ZNF503: variants seen among roughly 807,000 people sequenced by gnomAD.
ZNF503 encodes the protein NocA-like zinc finger 2.
In ZNF503, 15 loss-of-function variants were observed where a neutral mutation model predicts 34.4. The ratio of observed to expected loss-of-function variants is 0.44; its 90% CI spans 0.29 to 0.67. The LOEUF is 0.67. ZNF503 is among the 30% of genes least tolerant of loss of function. The pLI is 0.13. For missense variants in ZNF503, 1,007 were observed against 926.8 expected, an observed-to-expected ratio of 1.09 and a Z score of -1.12; for synonymous variants, 580 against 456.8, an observed-to-expected ratio of 1.27 and a Z score of -3.44.
the ZNF503 span, among the ~76,000 whole-genome samples, chr10:75,290,961 A>G: frequency 1.3e-5 from 2 of 152,162 alleles, no homozygotes; most frequent in African/African-American, 2.4e-5. Context: ...AAGTTCTTAG[A>G]TTGTGATAAA....
chr10:75,308,517 T>C, the ZNF503 span, among the ~76,000 whole-genome samples: 2 of 152,204 alleles, frequency 1.3e-5, no homozygotes, highest in East Asian at 1.9e-4. Flanking sequence ...CTGCCAGAGA[T>C]AGTGATTTTT....
the ZNF503 span, among the ~76,000 whole-genome samples, chr10:75,299,719 G>T: frequency 6.6e-6 from 1 of 152,144 alleles, no homozygotes; most frequent in Non-Finnish European, 1.5e-5. Flanking sequence ...CTGGGCATCT[G>T]GGGGAGACAT....
At chr10:75,305,572 G>A in the ZNF503 span, among the ~76,000 whole-genome samples, 1 of 152,004 alleles carries the variant, frequency 6.6e-6, no homozygotes, top group Non-Finnish European at 1.5e-5. Context: ...GTTAAGTAAT[G>A]TTAAGTATTC....
At chr10:75,356,180 G>A in the ZNF503 span, among the ~76,000 whole-genome samples, 2 of 152,170 alleles carry the variant, frequency 1.3e-5, no homozygotes, top group Non-Finnish European at 2.9e-5. Context: ...AAAAGGGGGT[G>A]GCACTGGAGA....
At chr10:75,393,210 C>T (rs909372008), downstream of ZNF503, among the ~76,000 whole-genome samples, 3 of 152,196 alleles carry the variant, frequency 2.0e-5, no homozygotes, top group Admixed American at 6.5e-5. Context: ...TGGGGACTCC[C>T]AGCATGGGGT....
chr10:75,294,602 G>T, the ZNF503 span, among the ~76,000 whole-genome samples: 1 of 152,118 alleles, frequency 6.6e-6, no homozygotes, highest in Admixed American at 6.5e-5. Flanking sequence ...CAGAACGGAC[G>T]TGGCCCAGAC....
At chr10:75,336,084 A>AAC in the ZNF503 span, among the ~76,000 whole-genome samples, 1 of 152,226 alleles carries the variant, frequency 6.6e-6, no homozygotes, top group Non-Finnish European at 1.5e-5. Flanking sequence ...GACTTTGGCC[A>AAC]ACATCATTCT....
the ZNF503 span, among the ~76,000 whole-genome samples, chr10:75,316,350 C>CT: frequency 0.022 from 3,129 of 144,496 alleles, 103 homozygotes; most frequent in African/African-American, 0.068. Flanking sequence ...TTTTCTTTTC[C>CT]TTTTTTTTTT....
downstream of ZNF503, among the ~76,000 whole-genome samples, chr10:75,393,931 A>G (rs1447758490): frequency 1.3e-5 from 2 of 152,216 alleles, no homozygotes; most frequent in Non-Finnish European, 2.9e-5. Flanking sequence ...TAATAACAAT[A>G]ACACCAAAAA....
the ZNF503 span, among the ~76,000 whole-genome samples, chr10:75,314,236 C>CAAAAAAAAA: frequency 1.1e-5 from 1 of 89,806 alleles, no homozygotes. Flanking sequence ...GACTCCGTCT[C>CAAAAAAAAA]AAAAAAAAAA....
chr10:75,360,216 A>G, the ZNF503 span, among the ~76,000 whole-genome samples: 1 of 141,604 alleles, frequency 7.1e-6, no homozygotes, highest in Non-Finnish European at 1.5e-5. Context: ...TGCCTCCTGG[A>G]TTCACGCCAC....
chr10:75,351,653 T>C, the ZNF503 span, among the ~76,000 whole-genome samples: 1 of 152,178 alleles, frequency 6.6e-6, no homozygotes, highest in Non-Finnish European at 1.5e-5. Context: ...TTCCTGCAGT[T>C]GAGGTTTAGC....
the ZNF503 span, among the ~76,000 whole-genome samples, chr10:75,365,940 C>T: frequency 6.6e-6 from 1 of 152,206 alleles, no homozygotes; most frequent in Non-Finnish European, 1.5e-5. Flanking sequence ...GCATGCGTGC[C>T]TCTCGCTTTC....
the ZNF503 span, among the ~76,000 whole-genome samples, chr10:75,352,791 A>G: frequency 3.3e-5 from 5 of 152,388 alleles, no homozygotes; most frequent in South Asian, 1.0e-3. Context: ...CAGACAAAGC[A>G]ATTCAGAGCA....
the ZNF503 span, among the ~76,000 whole-genome samples, chr10:75,315,032 A>G: frequency 6.6e-6 from 1 of 152,224 alleles, no homozygotes; most frequent in Non-Finnish European, 1.5e-5. Context: ...AATTACTTAT[A>G]ACTCTAGTAT....
chr10:75,318,503 T>TA, the ZNF503 span, among the ~76,000 whole-genome samples: 1 of 151,162 alleles, frequency 6.6e-6, no homozygotes, highest in African/African-American at 2.4e-5. Context: ...ACCCTGTCTC[T>TA]AAAAAAAATA....
the ZNF503 span, among the ~76,000 whole-genome samples, chr10:75,353,355 G>T: frequency 6.6e-6 from 1 of 152,116 alleles, no homozygotes; most frequent in African/African-American, 2.4e-5. Flanking sequence ...CTGGCTGAGC[G>T]GCCAATTCCT....
chr10:75,400,255 G>A lies in ZNF503; in HGVS notation c.435C>T (p.Gly145=), dbSNP rs1305621369. Residue 145 remains glycine, a synonymous_variant, in exon 2 of 2, where the codon GGC becomes GGT. Coordinates refer to ENST00000372524, the MANE Select transcript of ZNF503 (RefSeq NM_032772.6). The part of the protein sequence containing the change: ...SSVASNGGGA[G]GAGGGAAGDK... ...CGCCCGCAGCACCGCCGCCGGCACC[G>A]CCCGCGCCGCCCCCGTTGGAGGCAA... 1.9e-6 allele frequency: 3 copies of A among 1,612,264 alleles called. No individual in the cohort carries two copies. Among genetic ancestry groups the A allele is most frequent in the Non-Finnish European group, 2.5e-6 (3 of 1,179,574 alleles).
chr10:75,339,062 C>T, the ZNF503 span, among the ~76,000 whole-genome samples: 7 of 152,018 alleles, frequency 4.6e-5, no homozygotes, highest in African/African-American at 1.7e-4. Flanking sequence ...GAAACCTCGT[C>T]TCTACTAAAA....
Sources: gnomAD v4.1 joint callset for allele counts (sites outside exome capture counted in the v4.1 genomes callset) on GRCh38, gnomAD v4.1.1 for gene constraint, MANE v1.5 for transcripts, NCBI Gene and HGNC (gene_info 2026-07-23, HGNC 2026-07-21) for gene names.